Variants in GIGYF1 observed in about 807,000 individuals in gnomAD.
GIGYF1 encodes GRB10 interacting GYF protein 1.
In GIGYF1, 84 loss-of-function variants were observed where a neutral mutation model predicts 147.1. The ratio of observed to expected loss-of-function variants is 0.57; its 90% confidence interval spans 0.48 to 0.68. The LOEUF (loss-of-function observed/expected upper bound fraction) is 0.68, where lower values mean the gene tolerates loss of function less well. Among genes scored for constraint, GIGYF1 ranks in the 30% least tolerant of loss-of-function variants. The probability of loss-of-function intolerance (pLI) is 0.00; values close to 1 mark genes in which losing one functional copy is unlikely to be tolerated. For missense variants in GIGYF1, 1,485 were observed against 1,393.7 expected (o/e 1.07, Z -1.04); for synonymous variants, 752 against 589.5 (o/e 1.28, Z -3.99).
In GIGYF1 at chr7:100,681,647, A is replaced by G; in HGVS notation, c.*72T>C. On this transcript the variant is annotated 3_prime_UTR_variant, in exon 27 of 27. Transcript: ENST00000678049. ...CCTGTGCTCTCTGCGGGGAGCCTGC[A>G]GGCTGGGACCCTCGGTCCACGCCGC... 1 of 1,422,234 alleles carries G rather than the reference A, an allele frequency of 7.0e-7. No individual in the cohort carries two copies. Among genetic ancestry groups the G allele is most frequent in the Non-Finnish European group, 9.4e-7 (1 of 1,059,090 alleles). 88.1% of individuals were successfully genotyped at this position (1,422,234 alleles called of 1,614,324 possible).
rs1804753035 is a variant in GIGYF1 at position 100,681,512 on chromosome 7, A to T, written c.*207T>A. ...CTTCAGTCGTTTAAAATTAAAAAAA[A>T]AAATAAAAAGAAAAACCCCCTCCCC... On this transcript the variant is annotated 3_prime_UTR_variant, in exon 27 of 27. Coordinates refer to ENST00000678049, the MANE Select transcript of GIGYF1 (RefSeq NM_001375765.1). 3 of 423,724 alleles carry T rather than the reference A, an allele frequency of 7.1e-6. No individual in the cohort carries two copies. Among genetic ancestry groups the T allele is most frequent in the East Asian group, 3.5e-5 (1 of 28,940 alleles). The allele number at this position is 423,724 out of a possible 1,614,324, so 26.2% of individuals were successfully genotyped here.
At position 100,687,903 on chromosome 7, in the gene GIGYF1, G is replaced by A; in HGVS notation, c.166-20C>T. On this transcript the variant is annotated intron_variant, in intron 5 of 26. Transcript: ENST00000678049. ...CGGGACCTGGCAGTGGGTTGGGACA[G>A]CCAAGACACCACATGCTGCCAGATC... 6.2e-7 allele frequency: 1 copy of A among 1,613,452 alleles called. No individual in the cohort carries two copies. The highest frequency in any genetic ancestry group is 1.3e-5 in the African/African-American group (1 of 75,024).
In GIGYF1 at chr7:100,694,176, CGACG is replaced by C. The variant is rs1806065129; in HGVS notation, c.-1169_-1166del. 1 of 3,766 alleles carries C rather than the reference CGACG, an allele frequency of 2.7e-4. No individual in the cohort carries two copies. Among genetic ancestry groups the C allele is most frequent in the Non-Finnish European group, 5.3e-4 (1 of 1,902 alleles). 0.2% of individuals were successfully genotyped at this position (3,766 alleles called of 1,614,324 possible). ...CGCGGCGGGCGGGGGCCGGGGACGG[CGACG>C]GCGGCTAGCAGCGGGGGAGGGGGCG... is the stretch of plus-strand genomic sequence containing the variant. On this transcript the variant is annotated 5_prime_UTR_variant, in exon 1 of 27. Transcript: ENST00000678049.
At chr7:100,682,833 T>C (rs1804918803) in intron 22 of GIGYF1, 56 bp from the exon 23 acceptor site, 1 of 1,482,296 alleles carries the variant, frequency 6.7e-7, no homozygotes, top group Admixed American at 2.3e-5. Context: ...GAAAAGCGGA[T>C]GGGGAGGCTT....
In GIGYF1 at chr7:100,681,518, AAAAG is replaced by A. The variant is rs1333285055; in HGVS notation, c.*197_*200del. On this transcript the variant is annotated 3_prime_UTR_variant, in exon 27 of 27. Transcript: ENST00000678049. Reference sequence around the variant, plus strand: ...TCGTTTAAAATTAAAAAAAAAAATAAAAAGAAAAACCCCCTCCCCCAGTCTGTAA... The same window carrying A: ...TCGTTTAAAATTAAAAAAAAAAATAAAAAAACCCCCTCCCCCAGTCTGTAA... 1.5e-4 allele frequency: 63 copies of A among 424,784 alleles called. No homozygotes were observed. Among genetic ancestry groups the A allele is most frequent in the Admixed American group, 1.2e-4 (3 of 25,446 alleles). 26.3% of individuals were successfully genotyped at this position (424,784 alleles called of 1,614,324 possible). A position where few individuals can be genotyped will look rare whatever the true frequency, so the allele number is the denominator to read the frequency against.
At chr7:100,692,290 G>A (rs1369834674) in intron 1 of GIGYF1, among the ~76,000 whole-genome samples, 3 of 152,228 alleles carry the variant, frequency 2.0e-5, no homozygotes, top group Non-Finnish European at 2.9e-5. Context: ...CTTGGCAATT[G>A]TCTACAAGTT....
intron 8 of GIGYF1, 125 bp from the exon 9 acceptor site, chr7:100,687,171 G>A (rs1168821498): frequency 6.8e-7 from 1 of 1,471,438 alleles, no homozygotes; most frequent in Non-Finnish European, 9.5e-7. Flanking sequence ...AACGAAACCA[G>A]GGGTCAGGAG....
intron 6 of GIGYF1, 23 bp from the exon 7 acceptor site, chr7:100,687,639 G>A (rs1161791947): frequency 2.5e-6 from 4 of 1,581,620 alleles, no homozygotes; most frequent in Admixed American, 1.7e-5. Flanking sequence ...CCAGGGGCGG[G>A]AGTGAGGACC....
chr7:100,682,511 A>C, intron 23 of GIGYF1, 29 bp from the exon 24 acceptor site: 1 of 1,606,848 alleles, frequency 6.2e-7, no homozygotes, highest in Non-Finnish European at 8.5e-7. Flanking sequence ...TCAGGGTTGG[A>C]AATCAGCTGG....
chr7:100,687,231 G>A (rs1805442555), intron 8 of GIGYF1, 67 bp downstream of exon 8: 9 of 1,513,756 alleles, frequency 5.9e-6, no homozygotes, highest in Non-Finnish European at 8.2e-6. Context: ...TTACCCTCTA[G>A]CGACAGGGCC....
intron 8 of GIGYF1, 102 bp from the exon 9 acceptor site, chr7:100,687,148 G>A (rs554891943): frequency 1.3e-6 from 2 of 1,532,282 alleles, no homozygotes; most frequent in East Asian, 4.5e-5. Flanking sequence ...GCAGTGGAGG[G>A]AGGAAGGGGA....
intron 10 of GIGYF1, 87 bp downstream of exon 10, chr7:100,686,562 C>A: frequency 6.5e-7 from 1 of 1,529,216 alleles, no homozygotes; most frequent in Admixed American, 1.9e-5. Flanking sequence ...AGCCTCTGCT[C>A]CCTCCCCGTG....
chr7:100,686,918 C>G, intron 9 of GIGYF1, 88 bp downstream of exon 9: 3 of 1,604,426 alleles, frequency 1.9e-6, no homozygotes, highest in Non-Finnish European at 2.6e-6. Flanking sequence ...CTCCTGCCCC[C>G]AACACCTCCG....
chr7:100,683,218 C>A lies in GIGYF1; in HGVS notation c.2206G>T (p.Glu736Ter). 1 of 1,611,376 alleles carries A rather than the reference C, an allele frequency of 6.2e-7. No individual in the cohort carries two copies. The highest frequency in any genetic ancestry group is 8.5e-7 in the Non-Finnish European group (1 of 1,179,926). ...TGCTGTAGCAACTTCAGCAATAGCT[C>A]CTGCTGCCGCACCTAAGAGGGGGAC... is the stretch of plus-strand genomic sequence containing the variant. Reference protein sequence around the residue: ...LFRRKHVRQQELLLKLLQQQQ... With the variant: ...LFRRKHVRQQ The change falls in exon 22 of 27, where the codon GAG becomes TAG. Residue 736 changes from glutamate to a stop codon, truncating the protein, a stop_gained. Coordinates refer to ENST00000678049, the MANE Select transcript of GIGYF1 (RefSeq NM_001375765.1). LOFTEE classifies it high-confidence loss of function.
intron 1 of GIGYF1, among the ~76,000 whole-genome samples, chr7:100,691,714 T>G (rs1805845269): frequency 6.6e-6 from 1 of 151,994 alleles, no homozygotes; most frequent in Non-Finnish European, 1.5e-5. Context: ...GCCCTGGCCC[T>G]GCCCTCAAGC....
chr7:100,690,284 T>C (rs1805725462), intron 1 of GIGYF1, among the ~76,000 whole-genome samples: 1 of 152,146 alleles, frequency 6.6e-6, no homozygotes. Flanking sequence ...CCTCCTCCAG[T>C]TCATTCCTTC....
intron 12 of GIGYF1, 135 bp downstream of exon 12, chr7:100,685,839 C>T (rs2131381509): frequency 4.3e-6 from 3 of 699,852 alleles, no homozygotes; most frequent in South Asian, 3.6e-5. Flanking sequence ...GGTTCCTCCC[C>T]ACCTCTCAGC....
intron 20 of GIGYF1, 47 bp downstream of exon 20, chr7:100,683,503 G>A (rs1261173757): frequency 1.5e-5 from 25 of 1,613,394 alleles, no homozygotes; most frequent in East Asian, 2.2e-5. Flanking sequence ...GGCCTGCCTC[G>A]GTCCACCCTT....
intron 24 of GIGYF1, 37 bp from the exon 25 acceptor site, chr7:100,682,272 C>A (rs377483183): frequency 6.2e-7 from 1 of 1,608,016 alleles, no homozygotes; most frequent in Non-Finnish European, 8.5e-7. Flanking sequence ...GCCCCCTGGC[C>A]GGGTCTGGAG....
Sources: gnomAD v4.1 joint callset for allele counts (sites outside exome capture counted in the v4.1 genomes callset) on GRCh38, gnomAD v4.1.1 for gene constraint, MANE v1.5 for transcripts, NCBI Gene and HGNC (gene_info 2026-07-23, HGNC 2026-07-21) for gene names.